Variants in SLC4A4 observed in about 807,000 individuals in gnomAD.
The protein encoded by SLC4A4 is electrogenic sodium bicarbonate cotransporter 1.
Under a neutral mutation model 111.5 loss-of-function variants are expected in SLC4A4, and 27 were observed. The observed-to-expected ratio is 0.24, with a 90% CI of 0.18 to 0.33. The LOEUF is 0.33. Among genes scored for constraint, SLC4A4 ranks in the 10% least tolerant of loss-of-function variants. The probability of loss-of-function intolerance (pLI) is 1.00; values close to 1 mark genes in which losing one functional copy is unlikely to be tolerated. For synonymous variants in SLC4A4, 443 were observed against 463.4 expected (o/e 0.96, Z 0.57); for missense variants, 909 against 1,315.5 (o/e 0.69, Z 4.78).
intron 2 of SLC4A4, among the ~76,000 whole-genome samples, chr4:71,127,822 A>G (rs1047792296): frequency 2.6e-5 from 4 of 152,176 alleles, no homozygotes; most frequent in African/African-American, 9.7e-5. Context: ...AAGATGTACA[A>G]TTCAAAGTAT....
Position 71,177,061 on chromosome 4 carries a change from A to T in SLC4A4, c.-1-59515A>T, listed in dbSNP as rs988173198. Among the ~76,000 whole-genome samples, 13 of 152,292 alleles carry T rather than the reference A, an allele frequency of 8.5e-5. No homozygotes were observed. The South Asian group carries it at 1.0e-3, about 12-fold the overall frequency. The stretch of plus-strand genomic sequence containing the variant: ...AGAAAAGAATTTTCAACACAGAATT[A>T]CATATCCAGCCAAACTAAGCTTCAT... On this transcript the variant is annotated intron_variant, in intron 2 of 26. Transcript: ENST00000649996.
At chr4:71,315,339 C>T (rs1726597742) in intron 3 of SLC4A4, among the ~76,000 whole-genome samples, 1 of 152,116 alleles carries the variant, frequency 6.6e-6, no homozygotes. Context: ...TATATAATTA[C>T]TTTGGCTTGA....
At chr4:71,274,802 A>G (rs1326841977) in intron 3 of SLC4A4, among the ~76,000 whole-genome samples, 1 of 152,196 alleles carries the variant, frequency 6.6e-6, no homozygotes, top group African/African-American at 2.4e-5. Flanking sequence ...TAATCTCTAC[A>G]TTTCCTACCA....
intron 16 of SLC4A4, among the ~76,000 whole-genome samples, chr4:71,525,917 C>T (rs1412684548): frequency 6.6e-6 from 1 of 151,916 alleles, no homozygotes; most frequent in Non-Finnish European, 1.5e-5. Context: ...CTCTTCTTTT[C>T]TAAATGCGCT....
chr4:71,088,836 C>T (rs1410905177), intron 1 of SLC4A4, among the ~76,000 whole-genome samples: 1 of 152,040 alleles, frequency 6.6e-6, no homozygotes, highest in Admixed American at 6.5e-5. Context: ...CTGCCCTTAA[C>T]ATTTTTTCCT....
At chr4:71,172,747 C>T (rs1001979434) in intron 2 of SLC4A4, among the ~76,000 whole-genome samples, 2 of 152,164 alleles carry the variant, frequency 1.3e-5, no homozygotes, top group Non-Finnish European at 2.9e-5. Flanking sequence ...AGATTACTAG[C>T]ATCAGGCTCA....
chr4:71,519,532 T>TGTAG (rs1732734909), intron 16 of SLC4A4, among the ~76,000 whole-genome samples: 1 of 152,230 alleles, frequency 6.6e-6, no homozygotes, highest in Non-Finnish European at 1.5e-5. Flanking sequence ...TGTGTAACTG[T>TGTAG]GTAGGTTTTC....
At chr4:71,268,081 T>TTTTTG (rs1553970770) in intron 3 of SLC4A4, among the ~76,000 whole-genome samples, 3 of 146,472 alleles carry the variant, frequency 2.0e-5, no homozygotes, top group Admixed American at 6.8e-5. Context: ...TAGTGTTTTT[T>TTTTTG]TTTTTTTTTT....
chr4:71,468,300 A>G (rs950753706), intron 13 of SLC4A4, among the ~76,000 whole-genome samples: 1 of 152,116 alleles, frequency 6.6e-6, no homozygotes, highest in Admixed American at 6.6e-5. Context: ...ACAAGGATGT[A>G]CTATAAACAG....
At chr4:71,293,381 T>A (rs946233756) in intron 3 of SLC4A4, among the ~76,000 whole-genome samples, 17 of 151,104 alleles carry the variant, frequency 1.1e-4, no homozygotes, top group African/African-American at 1.7e-4. Flanking sequence ...CTGGGCAACA[T>A]GTGAAACCCA....
At chr4:71,312,824 T>A (rs1174152479) in intron 3 of SLC4A4, among the ~76,000 whole-genome samples, 1 of 152,212 alleles carries the variant, frequency 6.6e-6, no homozygotes, top group Non-Finnish European at 1.5e-5. Flanking sequence ...TCATACTGAA[T>A]GGGCAAAAGC....
chr4:71,162,240 C>T (rs143964606), intron 2 of SLC4A4, among the ~76,000 whole-genome samples: 40 of 152,224 alleles, frequency 2.6e-4, no homozygotes, highest in East Asian at 2.3e-3. Flanking sequence ...CTCCCACCAC[C>T]GGCATCAACA....
chr4:71,079,168 G>T lies in SLC4A4; in HGVS notation c.-64-13562G>T, dbSNP rs72858433. On this transcript the variant is annotated intron_variant, in intron 1 of 26. Coordinates refer to the SLC4A4 transcript ENST00000649996. ...TCATGAATAGTTATTCCCTGCTTTG[G>T]TGAAATTGTGACATGCCTCTGGGTG... Among the ~76,000 whole-genome samples, 1,181 of 152,220 alleles carry T rather than the reference G, an allele frequency of 7.8e-3. 18 individuals are homozygous for T. The highest frequency in any genetic ancestry group is 0.028 in the African/African-American group (1,143 of 41,542).
intron 1 of SLC4A4, among the ~76,000 whole-genome samples, chr4:71,194,374 CAT>C (rs1745890234): frequency 6.6e-6 from 1 of 152,138 alleles, no homozygotes; most frequent in South Asian, 2.1e-4. Context: ...CAGTTCCTGG[CAT>C]ATTAATAAAT....
chr4:71,093,642 G>A (rs1742451427), intron 2 of SLC4A4, among the ~76,000 whole-genome samples: 1 of 152,056 alleles, frequency 6.6e-6, no homozygotes, highest in Non-Finnish European at 1.5e-5. Flanking sequence ...TGTGATACTG[G>A]TGGGTACTCA....
chr4:71,126,372 T>C (rs1210351103), intron 2 of SLC4A4, among the ~76,000 whole-genome samples: 1 of 152,224 alleles, frequency 6.6e-6, no homozygotes, highest in Non-Finnish European at 1.5e-5. Context: ...AATAAATATG[T>C]GCAGGAATTA....
intron 6 of SLC4A4, among the ~76,000 whole-genome samples, chr4:71,368,219 T>G (rs895256949): frequency 1.3e-5 from 2 of 152,338 alleles, no homozygotes; most frequent in East Asian, 3.9e-4. Context: ...GTTGATGGTG[T>G]TGTTTCCTCC....
At chr4:71,410,999 G>A (rs1721315569) in intron 7 of SLC4A4, among the ~76,000 whole-genome samples, 1 of 152,176 alleles carries the variant, frequency 6.6e-6, no homozygotes, top group South Asian at 2.1e-4. Context: ...TATAGCAAAT[G>A]TAAGACAGGT....
chr4:71,504,566 C>G (rs1731219440), intron 16 of SLC4A4, among the ~76,000 whole-genome samples: 1 of 148,922 alleles, frequency 6.7e-6, no homozygotes, highest in Non-Finnish European at 1.5e-5. Context: ...TATAGTATCT[C>G]TCTGAGCTTC....
Sources: gnomAD v4.1 joint callset for allele counts (sites outside exome capture counted in the v4.1 genomes callset) on GRCh38, gnomAD v4.1.1 for gene constraint, MANE v1.5 for transcripts, NCBI Gene and HGNC (gene_info 2026-07-23, HGNC 2026-07-21) for gene names.